Variants in HAS2 observed in about 807,000 individuals in gnomAD.
HAS2 encodes HA synthase 2.
A neutral mutation model predicts 51.6 loss-of-function variants in HAS2; 16 were observed. The ratio of observed to expected loss-of-function variants is 0.31; its 90% CI spans 0.21 to 0.47. The LOEUF is 0.47. Among genes scored for constraint, HAS2 ranks in the 20% least tolerant of loss-of-function variants. The pLI is 1.00. For synonymous variants in HAS2, 228 were observed against 235.5 expected (o/e 0.97, Z 0.29); for missense variants, 361 against 662.6 (o/e 0.54, Z 5.00).
At chr8:121,626,154 G>T (rs1040853470) in intron 2 of HAS2, among the ~76,000 whole-genome samples, 2 of 152,124 alleles carry the variant, frequency 1.3e-5, no homozygotes, top group East Asian at 1.9e-4. Context: ...AGTGAGGTTG[G>T]ATACTCTTGA....
intron 1 of HAS2, among the ~76,000 whole-genome samples, chr8:121,630,885 A>G (rs937472864): frequency 6.6e-6 from 1 of 152,154 alleles, no homozygotes; most frequent in East Asian, 1.9e-4. Flanking sequence ...ATTCCCTGCA[A>G]TTGTACATTG....
intron 1 of HAS2, among the ~76,000 whole-genome samples, chr8:121,633,758 CT>C (rs1206941597): frequency 6.6e-6 from 1 of 152,214 alleles, no homozygotes; most frequent in African/African-American, 2.4e-5. Context: ...CTTCAGGTCA[CT>C]GGACCTCGAA....
At chr8:121,627,041 A>G (rs1812863785) in intron 2 of HAS2, among the ~76,000 whole-genome samples, 1 of 152,220 alleles carries the variant, frequency 6.6e-6, no homozygotes, top group African/African-American at 2.4e-5. Context: ...ACAAAATTCA[A>G]AACAAAAATG....
chr8:121,634,099 G>A (rs889663899), intron 1 of HAS2, among the ~76,000 whole-genome samples: 8 of 151,962 alleles, frequency 5.3e-5, no homozygotes, highest in Admixed American at 3.9e-4. Flanking sequence ...TATGAGATGC[G>A]GGGTTTCTCC....
Position 121,614,181 on chromosome 8 carries a change from C to G in HAS2, c.1587G>C (p.Leu529=). The G allele has an allele frequency of 6.2e-7, 1 of 1,614,164 alleles. No homozygotes were observed. Among genetic ancestry groups the G allele is most frequent in the Non-Finnish European group, 8.5e-7 (1 of 1,180,016 alleles). The change falls in exon 4 of 4, where the codon CTG becomes CTC. Residue 529 remains leucine, a synonymous_variant. Coordinates refer to ENST00000303924, the MANE Select transcript of HAS2 (RefSeq NM_005328.3). This position sits in a 1 kb window ranked among gnomAD's most constrained non-coding sequence, Gnocchi z 7.2. ...YACYWVMLLT[L]YVVLINKCGR... is the part of the protein sequence containing the mutation. ...CACACTTATTGATGAGAACTACATA[C>G]AGCGTCAAAAGCATGACCCAATAGC...
Position 121,613,310 on chromosome 8 carries a change from T to C in HAS2, c.*799A>G, listed in dbSNP as rs1586500517. On this transcript the variant is annotated 3_prime_UTR_variant, in exon 4 of 4. Transcript: ENST00000303924. ...TTACTTCCAAAGTGTGATAGGTATATTGGCCTTTTCTAAAAGAAATAAAAA... is the reference window on the plus strand; with the variant it reads ...TTACTTCCAAAGTGTGATAGGTATACTGGCCTTTTCTAAAAGAAATAAAAA... 1 of 152,496 alleles carries C rather than the reference T, an allele frequency of 6.6e-6. No individual in the cohort carries two copies. 9.4% of individuals were successfully genotyped at this position (152,496 alleles called of 1,614,324 possible). A position where few individuals can be genotyped will look rare whatever the true frequency, so the allele number is the denominator to read the frequency against.
At chr8:121,616,379 T>C (rs1391557376) in intron 3 of HAS2, among the ~76,000 whole-genome samples, 3 of 152,126 alleles carry the variant, frequency 2.0e-5, no homozygotes, top group Non-Finnish European at 4.4e-5. Context: ...CCTTTAGGTA[T>C]ATAGGTATAA....
At chr8:121,628,693 G>T (rs745635702) in intron 2 of HAS2, 21 bp downstream of exon 2, 2 of 1,604,018 alleles carry the variant, frequency 1.2e-6, no homozygotes, top group Non-Finnish European at 1.7e-6. Flanking sequence ...TGTTTGCCCT[G>T]GCAGGAATGT....
chr8:121,623,575 C>T (rs1041930380), intron 2 of HAS2, among the ~76,000 whole-genome samples: 2 of 152,086 alleles, frequency 1.3e-5, no homozygotes, highest in African/African-American at 2.4e-5. Context: ...TTCTTTTGAT[C>T]TTGCTCTAGC....
Position 121,629,716 on chromosome 8 carries a change from A to G in HAS2, c.1-376T>C, listed in dbSNP as rs1172185205. 2.6e-5 allele frequency among the ~76,000 whole-genome samples: 4 copies of G among 152,216 alleles called. No homozygotes were observed. In the East Asian group the frequency reaches 7.7e-4, roughly 29 times the overall value. ...AGGGACCCTGAAGTTTCTAACACCC[A>G]AAGAAGTCATTCTTCTATATAGTCC... On this transcript the variant is annotated intron_variant, in intron 1 of 3. Transcript: ENST00000303924.
chr8:121,621,650 A>C (rs539733426), intron 2 of HAS2, among the ~76,000 whole-genome samples: 2 of 152,170 alleles, frequency 1.3e-5, no homozygotes, highest in Non-Finnish European at 2.9e-5. Context: ...CCACATGAAC[A>C]AACTCAAATT....
intron 1 of HAS2, among the ~76,000 whole-genome samples, chr8:121,634,705 T>C (rs1005991200): frequency 1.3e-5 from 2 of 151,566 alleles, no homozygotes; most frequent in African/African-American, 4.8e-5. Flanking sequence ...GCAATGAATA[T>C]GTAGTAGAGA....
At chr8:121,617,717 T>C (rs908737405) in intron 2 of HAS2, among the ~76,000 whole-genome samples, 5 of 152,214 alleles carry the variant, frequency 3.3e-5, no homozygotes, top group Non-Finnish European at 7.3e-5. Flanking sequence ...TTACCTTTCA[T>C]TTTAATATGG....
At chr8:121,624,401 A>T (rs1169208977) in intron 2 of HAS2, among the ~76,000 whole-genome samples, 1 of 152,210 alleles carries the variant, frequency 6.6e-6, no homozygotes, top group Non-Finnish European at 1.5e-5. Flanking sequence ...GGATGACTCA[A>T]ATTTTTTGCC....
intron 1 of HAS2, among the ~76,000 whole-genome samples, chr8:121,634,656 C>G (rs1216214401): frequency 6.6e-6 from 1 of 151,840 alleles, no homozygotes; most frequent in Non-Finnish European, 1.5e-5. Flanking sequence ...TCAATGTAGA[C>G]TTACAGACAC....
intron 1 of HAS2, among the ~76,000 whole-genome samples, chr8:121,632,589 T>TATA (rs1004558613): frequency 3.3e-5 from 5 of 152,228 alleles, no homozygotes; most frequent in African/African-American, 1.2e-4. Context: ...CTTGCTATAC[T>TATA]ATAATGTATA....
intron 1 of HAS2, chr8:121,639,194 A>C (rs1238409201): frequency 6.6e-6 from 1 of 152,130 alleles, no homozygotes; most frequent in African/African-American, 2.4e-5. Flanking sequence ...CACTGAGCTG[A>C]TGGTCTATAT....
At chr8:121,636,915 A>C (rs1360654940) in intron 1 of HAS2, among the ~76,000 whole-genome samples, 1 of 152,228 alleles carries the variant, frequency 6.6e-6, no homozygotes, top group African/African-American at 2.4e-5. Flanking sequence ...ATTAGCATGA[A>C]TTCAATTCAA....
intron 2 of HAS2, among the ~76,000 whole-genome samples, chr8:121,627,126 T>G (rs537052794): frequency 3.9e-5 from 6 of 152,334 alleles, no homozygotes; most frequent in Admixed American, 3.3e-4. Flanking sequence ...AGGCCTTGAT[T>G]AGAAATGACA....
Sources: allele counts gnomAD v4.1 joint callset (sites outside exome capture counted in the v4.1 genomes callset), GRCh38; gene constraint gnomAD v4.1.1; non-coding constraint Gnocchi (gnomAD v3.1); transcripts MANE v1.5; gene names NCBI Gene and HGNC (gene_info 2026-07-23, HGNC 2026-07-21).